Variants in PAM observed in about 807,000 individuals in gnomAD.
PAM encodes the protein peptidyl-glycine alpha-amidating monooxygenase.
A neutral mutation model predicts 122.1 loss-of-function variants in PAM; 72 were observed. The observed-to-expected ratio is 0.59, with a 90% confidence interval of 0.49 to 0.72. PAM has a LOEUF of 0.72. Ranked by LOEUF, PAM falls within the 30% of genes least tolerant of loss-of-function variation. The pLI is 0.00. For missense variants in PAM, 1,106 were observed against 1,183.7 expected, an observed-to-expected ratio of 0.93 and a Z score of 0.96; for synonymous variants, 389 against 404.4, an observed-to-expected ratio of 0.96 and a Z score of 0.46.
At chr5:102,922,735 A>G (rs1581726714) in intron 5 of PAM, among the ~76,000 whole-genome samples, 1 of 152,244 alleles carries the variant, frequency 6.6e-6, no homozygotes, top group Non-Finnish European at 1.5e-5. Context: ...CACATTGGTT[A>G]TAGGCATTTG....
At chr5:102,965,500 T>A (rs1270224441) in intron 14 of PAM, among the ~76,000 whole-genome samples, 1 of 151,954 alleles carries the variant, frequency 6.6e-6, no homozygotes, top group African/African-American at 2.4e-5. Flanking sequence ...AGATTCAGTG[T>A]CTTAAATTCC....
At chr5:102,842,845 A>G (rs1340629207) in intron 1 of PAM, among the ~76,000 whole-genome samples, 1 of 152,214 alleles carries the variant, frequency 6.6e-6, no homozygotes, top group Non-Finnish European at 1.5e-5. Flanking sequence ...TTTATGAGCC[A>G]TACTTTGAGA....
intron 16 of PAM, among the ~76,000 whole-genome samples, chr5:103,000,092 A>G (rs1231155610): frequency 6.6e-6 from 1 of 152,176 alleles, no homozygotes; most frequent in African/African-American, 2.4e-5. Flanking sequence ...ATACGTTCCA[A>G]TTCAAACCAT....
At chr5:103,019,961 C>T in intron 23 of PAM, 118 bp downstream of exon 23, 2 of 755,784 alleles carry the variant, frequency 2.6e-6, no homozygotes, top group Non-Finnish European at 4.9e-6. Context: ...GGTAAATTAT[C>T]AGTGACTTCT....
chr5:102,899,072 C>A (rs1392645994), intron 3 of PAM, among the ~76,000 whole-genome samples: 1 of 151,520 alleles, frequency 6.6e-6, no homozygotes, highest in Non-Finnish European at 1.5e-5. Flanking sequence ...CACTTCCCTC[C>A]CCTACCCTCC....
At position 102,764,812 on chromosome 5, in the gene PAM, GTCTTGTCAATGAC is replaced by G. The variant is rs113561029; in HGVS notation, c.-374+9465_-374+9477del. Reference sequence around the variant, plus strand: ...AACTGTCAGTGGTAACTGCTTGTCTGTCTTGTCAATGACAATCCCTTCATCAGCCCAGCTAAAA... The same window carrying G: ...AACTGTCAGTGGTAACTGCTTGTCTGAATCCCTTCATCAGCCCAGCTAAAA... On this transcript the variant is annotated intron_variant, in intron 1 of 25. Transcript: ENST00000438793. 3.2e-4 allele frequency among the ~76,000 whole-genome samples: 49 copies of G among 152,268 alleles called. 1 individual carries two copies. The highest frequency in any genetic ancestry group is 1.2e-3 in the African/African-American group (48 of 41,548).
chr5:102,903,674 T>A (rs1302938537), intron 4 of PAM, among the ~76,000 whole-genome samples: 1 of 151,554 alleles, frequency 6.6e-6, no homozygotes, highest in Non-Finnish European at 1.5e-5. Flanking sequence ...CTAAGCCAAT[T>A]TTCAGAAGAG....
chr5:102,923,603 T>C (rs944596543), intron 5 of PAM, among the ~76,000 whole-genome samples: 37 of 152,322 alleles, frequency 2.4e-4, no homozygotes, highest in African/African-American at 8.2e-4. Flanking sequence ...AAAGCTGAGA[T>C]ATATTGTAAT....
intron 4 of PAM, among the ~76,000 whole-genome samples, chr5:102,906,135 C>T (rs532274786): frequency 1.3e-5 from 2 of 151,762 alleles, no homozygotes; most frequent in East Asian, 2.0e-4. Context: ...CTCAGCTTTT[C>T]TCAAGTAATA....
intron 4 of PAM, among the ~76,000 whole-genome samples, chr5:102,913,679 T>A (rs1335789328): frequency 1.3e-5 from 2 of 151,908 alleles, no homozygotes; most frequent in Non-Finnish European, 2.9e-5. Context: ...TTAAAAGAGG[T>A]CTTCCATTTT....
chr5:102,861,356 AC>A (rs1412864716), intron 1 of PAM, among the ~76,000 whole-genome samples: 23 of 152,370 alleles, frequency 1.5e-4, no homozygotes, highest in Admixed American at 1.4e-3. Flanking sequence ...TGAGAAGAAC[AC>A]ACCATCATTT....
At chr5:102,860,498 C>T (rs1052177505) in intron 1 of PAM, among the ~76,000 whole-genome samples, 7 of 151,944 alleles carry the variant, frequency 4.6e-5, no homozygotes, top group Non-Finnish European at 1.0e-4. Context: ...GCCTGGGAAA[C>T]GTGGTGAAAC....
In PAM at chr5:102,779,918, T is replaced by TACACAC. The variant is rs1554059721; in HGVS notation, c.-374+24572_-374+24577dup. Among the ~76,000 whole-genome samples the TACACAC allele has an allele frequency of 4.0e-4, 38 of 95,644 alleles. No individual in the cohort carries two copies. The South Asian group carries it at 4.1e-3, about 10-fold the overall frequency. 62.7% of individuals were successfully genotyped at this position (95,644 alleles called of 152,430 possible). A position where few individuals can be genotyped will look rare whatever the true frequency, so the allele number is the denominator to read the frequency against. On this transcript the variant is annotated intron_variant, in intron 1 of 25. Coordinates refer to ENST00000438793, the MANE Select transcript of PAM (RefSeq NM_001177306.2). ...ATATATATATATATATATATATATA[T>TACACAC]ACACACATATATATATGTATATATC...
At chr5:102,921,762 T>C (rs1012434951) in intron 5 of PAM, among the ~76,000 whole-genome samples, 8 of 152,184 alleles carry the variant, frequency 5.3e-5, no homozygotes, top group Admixed American at 3.9e-4. Flanking sequence ...AGTTCAAGGA[T>C]GACAGTAATA....
intron 9 of PAM, among the ~76,000 whole-genome samples, 176 bp downstream of exon 9, chr5:102,948,621 G>A (rs1202361538): frequency 6.6e-6 from 1 of 152,042 alleles, no homozygotes; most frequent in Non-Finnish European, 1.5e-5. Flanking sequence ...TTCCAAGCCA[G>A]TGGTTTATTA....
chr5:102,863,752 C>A (rs186324283), intron 1 of PAM, among the ~76,000 whole-genome samples: 12 of 147,920 alleles, frequency 8.1e-5, no homozygotes, highest in Non-Finnish European at 1.5e-4. Flanking sequence ...TCTACATTAT[C>A]CAGAATTATA....
At chr5:102,790,258 C>G (rs570491309) in intron 1 of PAM, among the ~76,000 whole-genome samples, 2 of 151,980 alleles carry the variant, frequency 1.3e-5, no homozygotes, top group Non-Finnish European at 2.9e-5. Flanking sequence ...ATTATGGAAA[C>G]GAATGTGTCC....
chr5:102,809,139 TGA>T (rs1767092455), intron 1 of PAM, among the ~76,000 whole-genome samples: 1 of 152,164 alleles, frequency 6.6e-6, no homozygotes, highest in Admixed American at 6.5e-5. Context: ...CTCTTCATTC[TGA>T]GAGTTCTGCC....
intron 12 of PAM, among the ~76,000 whole-genome samples, chr5:102,951,619 T>G (rs139593979): frequency 1.2e-3 from 182 of 152,188 alleles, no homozygotes; most frequent in African/African-American, 4.2e-3. Context: ...AGATGATTCT[T>G]GCGATAGCAA....
Sources: allele counts gnomAD v4.1 joint callset (sites outside exome capture counted in the v4.1 genomes callset), GRCh38; gene constraint gnomAD v4.1.1; transcripts MANE v1.5; gene names NCBI Gene and HGNC (gene_info 2026-07-23, HGNC 2026-07-21).